KIF20A: variants seen among roughly 807,000 people sequenced by gnomAD.
The protein encoded by KIF20A is kinesin-like protein KIF20A.
A neutral mutation model predicts 113.0 loss-of-function variants in KIF20A; 66 were observed. That is an observed-to-expected ratio of 0.58 (90% CI 0.48 to 0.72). The LOEUF (loss-of-function observed/expected upper bound fraction) is 0.72, where lower values mean the gene tolerates loss of function less well. Ranked by LOEUF, KIF20A falls within the 30% of genes least tolerant of loss-of-function variation. The probability of loss-of-function intolerance (pLI) is 0.00; values close to 1 mark genes in which losing one functional copy is unlikely to be tolerated. For synonymous variants in KIF20A, 376 were observed against 402.3 expected (o/e 0.93, Z 0.78); for missense variants, 927 against 1,077.6 (o/e 0.86, Z 1.96).
At position 138,184,155 on chromosome 5, in the gene KIF20A, C is replaced by G. The variant is rs778211815; in HGVS notation, c.1352+50C>G. On this transcript the variant is annotated intron_variant, in intron 11 of 18. Coordinates refer to ENST00000394894, the MANE Select transcript of KIF20A (RefSeq NM_005733.3). ...GGCTCTGCAATTTGCTAAGAGACTT[C>G]CTGGACACCACTGGGGATGGTGCTA... 17 of 1,612,190 alleles carry G rather than the reference C, an allele frequency of 1.1e-5. No individual in the cohort carries two copies. In the Middle Eastern group the frequency reaches 4.9e-4, roughly 47 times the overall value.
intron 3 of KIF20A, 27 bp from the exon 4 acceptor site, chr5:138,181,582 T>C (rs200926857): frequency 9.4e-5 from 151 of 1,614,080 alleles, no homozygotes; most frequent in Non-Finnish European, 1.2e-4. Context: ...ATGCCTTCTG[T>C]GACAACTGTA....
At position 138,187,404 on chromosome 5, in the gene KIF20A, A is replaced by G; in HGVS notation, c.2664A>G (p.Lys888=). ...TACTCAAATCTGGGCCTTTTGGCAA[A>G]AAGTACTAAGGCTGTGGGGAAAGAG... The part of the protein sequence containing the change: ...SPLLKSGPFG[K]KY Residue 888 remains lysine, a synonymous_variant, in exon 19 of 19, where the codon AAA becomes AAG. Transcript: ENST00000394894. 1.2e-6 allele frequency: 2 copies of G among 1,613,128 alleles called. No individual in the cohort carries two copies. Among genetic ancestry groups the G allele is most frequent in the Non-Finnish European group, 1.7e-6 (2 of 1,179,354 alleles).
intron 14 of KIF20A, 50 bp downstream of exon 14, chr5:138,184,996 G>A (rs761267109): frequency 2.5e-6 from 4 of 1,607,238 alleles, no homozygotes; most frequent in African/African-American, 2.7e-5. Context: ...CAGAGGGTGG[G>A]AAGTAAGGAG....
In KIF20A at chr5:138,182,591, A is replaced by G. The variant is rs761612274; in HGVS notation, c.520A>G (p.Ile174Val). ...CATCTTTCATATGCCTCCAGGTACCATCAAGGATGGAGGGATTCTCCCCCG... is the reference window on the plus strand; with the variant it reads ...CATCTTTCATATGCCTCCAGGTACCGTCAAGGATGGAGGGATTCTCCCCCG... ...SGKTHTIQGT[I>V]KDGGILPRSL... Residue 174 changes from isoleucine to valine, a missense_variant, in exon 6 of 19, where the codon ATC becomes GTC. Transcript: ENST00000394894. 1.2e-6 allele frequency: 2 copies of G among 1,614,198 alleles called. No homozygotes were observed. The highest frequency in any genetic ancestry group is 1.7e-6 in the Non-Finnish European group (2 of 1,180,020).
rs1754685316 is a variant in KIF20A at position 138,182,981 on chromosome 5, C to G, written c.823C>G (p.Gln275Glu). Reference sequence around the variant, plus strand: ...TATCAGTCAGTGTACCAGCAGTAGCCAGCTGGATGGTATGTACCGTGACTG... The same window carrying G: ...TATCAGTCAGTGTACCAGCAGTAGCGAGCTGGATGGTATGTACCGTGACTG... Reference protein sequence around the residue: ...SSISQCTSSSQLDETSHRWAQ... With the variant: ...SSISQCTSSSELDETSHRWAQ... The change falls in exon 7 of 19, where the codon CAG becomes GAG. Residue 275 changes from glutamine (Q) to glutamate (E), a missense_variant. Transcript: ENST00000394894. 1 of 1,614,014 alleles carries G rather than the reference C, an allele frequency of 6.2e-7. No individual in the cohort carries two copies. The highest frequency in any genetic ancestry group is 8.5e-7 in the Non-Finnish European group (1 of 1,180,038).
chr5:138,186,332 T>C lies in KIF20A; in HGVS notation c.2256T>C (p.Gly752=), dbSNP rs1165346979. The C allele has an allele frequency of 6.3e-7, 1 of 1,599,916 alleles. No individual in the cohort carries two copies. The highest frequency in any genetic ancestry group is 1.1e-5 in the South Asian group (1 of 88,794). The part of the protein sequence containing the change: ...RLLRTELQKL[G]ESLQSAERAC... Reference sequence around the variant, plus strand: ...TGCGGACAGAGCTTCAGAAACTTGGTGAGTCTCTCCAATCAGCAGAGAGAG... The same window carrying C: ...TGCGGACAGAGCTTCAGAAACTTGGCGAGTCTCTCCAATCAGCAGAGAGAG... The change falls in exon 18 of 19, where the codon GGT becomes GGC. Residue 752 remains glycine (G), a synonymous_variant. Coordinates refer to ENST00000394894, the MANE Select transcript of KIF20A (RefSeq NM_005733.3).
chr5:138,186,189 C>G, intron 17 of KIF20A, 105 bp from the exon 18 acceptor site: 1 of 1,494,556 alleles, frequency 6.7e-7, no homozygotes, highest in Non-Finnish European at 9.1e-7. Context: ...ACTCAGCTGA[C>G]TAGCCTTTCT....
Position 138,184,587 on chromosome 5 carries a change from T to A in KIF20A, c.1594T>A (p.Ser532Thr). ...SFIKEHSLQV[S>T]PSLEKGAKAD... Reference sequence around the variant, plus strand: ...CATCAAGGAACATAGTCTTCAGGTATCCCCCAGCTTAGAGAAAGGGGCTAA... The same window carrying A: ...CATCAAGGAACATAGTCTTCAGGTAACCCCCAGCTTAGAGAAAGGGGCTAA... The change falls in exon 13 of 19, where the codon TCC becomes ACC. Residue 532 changes from serine (S) to threonine (T), a missense_variant. Transcript: ENST00000394894. 1.2e-6 allele frequency: 2 copies of A among 1,614,148 alleles called. No individual in the cohort carries two copies. The highest frequency in any genetic ancestry group is 2.2e-5 in the South Asian group (2 of 91,086).
intron 2 of KIF20A, among the ~76,000 whole-genome samples, chr5:138,180,849 G>A (rs1754650560): frequency 6.6e-6 from 1 of 152,056 alleles, no homozygotes; most frequent in Admixed American, 6.6e-5. Context: ...GCTAATTTTT[G>A]TATTTTTAGT....
Position 138,183,689 on chromosome 5 carries a change from C to A in KIF20A, c.1141C>A (p.His381Asn). Reference sequence around the variant, plus strand: ...CTTTTTGTTTTTCTTAACTTCCAGTCACAGCATCTTCTCAATCAGGATCCT... The same window carrying A: ...CTTTTTGTTTTTCTTAACTTCCAGTAACAGCATCTTCTCAATCAGGATCCT... ...THLNQNSSRS[H>N]SIFSIRILHL... The change falls in exon 10 of 19, where the codon CAC becomes AAC. Residue 381 changes from histidine to asparagine, a missense_variant and splice_region_variant. Transcript: ENST00000394894. The surrounding 1 kb of genome is among the most constrained non-coding windows in gnomAD (Gnocchi z 5.2). 6.2e-7 allele frequency: 1 copy of A among 1,613,596 alleles called. No homozygotes were observed. Among genetic ancestry groups the A allele is most frequent in the South Asian group, 1.1e-5 (1 of 91,038 alleles).
In KIF20A at chr5:138,185,150, A is replaced by C. The variant is rs2151233795; in HGVS notation, c.1879A>C (p.Asn627His). The change falls in exon 15 of 19, where the codon AAT becomes CAT. Residue 627 changes from asparagine (N) to histidine (H), a missense_variant. Asn to His is a moderately conservative substitution (Grantham distance 68, BLOSUM62 1). Transcript: ENST00000394894. ...LLEEMYEEKL[N>H]ILKESLTSFY... Reference sequence around the variant, plus strand: ...GGAGGAAATGTATGAAGAAAAACTAAATATCCTCAAGGAGTCACTGACAAG... The same window carrying C: ...GGAGGAAATGTATGAAGAAAAACTACATATCCTCAAGGAGTCACTGACAAG... The C allele has an allele frequency of 6.2e-7, 1 of 1,614,048 alleles. No individual in the cohort carries two copies. The highest frequency in any genetic ancestry group is 2.2e-5 in the East Asian group (1 of 44,882).
chr5:138,183,666 TTTTG>T lies in KIF20A; in HGVS notation c.1140-18_1140-15del, dbSNP rs747466865. The T allele has an allele frequency of 7.3e-5, 117 of 1,612,474 alleles. No individual in the cohort carries two copies. The highest frequency in any genetic ancestry group is 3.3e-4 in the Middle Eastern group (2 of 6,082). On this transcript the variant is annotated intron_variant, in intron 9 of 18. Transcript: ENST00000394894. The surrounding 1 kb of genome is among the most constrained non-coding windows in gnomAD (Gnocchi z 5.2). Reference sequence around the variant, plus strand: ...TGGTCATGGAAAATGTGCAATGACTTTTTGTTTTTCTTAACTTCCAGTCACAGCA... The same window carrying T: ...TGGTCATGGAAAATGTGCAATGACTTTTTTTCTTAACTTCCAGTCACAGCA...
At chr5:138,182,546 G>A (rs758291436) in intron 5 of KIF20A, 40 bp from the exon 6 acceptor site, 12 of 1,613,094 alleles carry the variant, frequency 7.4e-6, no homozygotes, top group Admixed American at 1.7e-5. Context: ...AGGGGGAGAA[G>A]GGCACTTGCC....
At chr5:138,179,454 G>C in intron 1 of KIF20A, 2 of 514,974 alleles carry the variant, frequency 3.9e-6, no homozygotes, top group Non-Finnish European at 7.0e-6. Flanking sequence ...ACTTCTGTTC[G>C]CGTTCAGAAA....
chr5:138,187,706 A>T lies in KIF20A; in HGVS notation c.*293A>T, dbSNP rs1049802680. The T allele has an allele frequency of 7.2e-6, 2 of 277,234 alleles. No individual in the cohort carries two copies. The highest frequency in any genetic ancestry group is 4.5e-5 in the African/African-American group (2 of 44,780). The allele number at this position is 277,234 out of a possible 1,614,324, so 17.2% of individuals were successfully genotyped here. A position where few individuals can be genotyped will look rare whatever the true frequency, so the allele number is the denominator to read the frequency against. On this transcript the variant is annotated 3_prime_UTR_variant, in exon 19 of 19. Coordinates refer to ENST00000394894, the MANE Select transcript of KIF20A (RefSeq NM_005733.3). Reference sequence around the variant, plus strand: ...TGTAGCAAAATCATTAAAACAAATTATAAAAGGGACAGAAAAATTAAGAAT... The same window carrying T: ...TGTAGCAAAATCATTAAAACAAATTTTAAAAGGGACAGAAAAATTAAGAAT...
At chr5:138,185,292 C>A in intron 15 of KIF20A, 95 bp downstream of exon 15, 1 of 897,948 alleles carries the variant, frequency 1.1e-6, no homozygotes, top group Non-Finnish European at 1.8e-6. Flanking sequence ...CCAGTAAGGG[C>A]AGGAATATAT....
At position 138,187,609 on chromosome 5, in the gene KIF20A, A is replaced by G. The variant is rs1211396234; in HGVS notation, c.*196A>G. ...TGTTGTTGTTTTTTTTTATTTACTT[A>G]TATGATTTCTATGCACACAAAAACA... On this transcript the variant is annotated 3_prime_UTR_variant, in exon 19 of 19. Transcript: ENST00000394894. 4 of 483,944 alleles carry G rather than the reference A, an allele frequency of 8.3e-6. No homozygotes were observed. The highest frequency in any genetic ancestry group is 1.4e-5 in the Non-Finnish European group (4 of 275,960). The allele number at this position is 483,944 out of a possible 1,614,324, so 30.0% of individuals were successfully genotyped here.
chr5:138,184,133 T>A, intron 11 of KIF20A, 28 bp downstream of exon 11: 1 of 1,613,558 alleles, frequency 6.2e-7, no homozygotes, highest in Non-Finnish European at 8.5e-7. Flanking sequence ...ATTCCTGGGC[T>A]CTGCAATTTG....
At position 138,179,706 on chromosome 5, in the gene KIF20A, C is replaced by T. The variant is rs1754608325; in HGVS notation, c.26C>T (p.Pro9Leu). The T allele has an allele frequency of 1.2e-6, 2 of 1,614,106 alleles. No homozygotes were observed. The highest frequency in any genetic ancestry group is 1.7e-6 in the Non-Finnish European group (2 of 1,180,014). MSQGILSP[P>L]AGLLSDDDVV... ...ATGTCGCAAGGGATCCTTTCTCCGC[C>T]AGCGGGCTTGCTGTCCGATGACGAT... is the stretch of plus-strand genomic sequence containing the variant. Residue 9 changes from proline to leucine, a missense_variant, in exon 2 of 19, where the codon CCA (proline) becomes CTA (leucine). Transcript: ENST00000394894.
Sources: gnomAD v4.1 joint callset for allele counts (sites outside exome capture counted in the v4.1 genomes callset) on GRCh38, gnomAD v4.1.1 for gene constraint, Gnocchi (gnomAD v3.1) non-coding constraint, MANE v1.5 for transcripts, NCBI Gene and HGNC (gene_info 2026-07-23, HGNC 2026-07-21) for gene names.